Variants in UXS1 observed in about 807,000 individuals in gnomAD.
The protein encoded by UXS1 is UDP-glucuronate decarboxylase 1, also known as UDP-glucuronic acid decarboxylase 1.
A neutral mutation model predicts 62.6 loss-of-function variants in UXS1; 33 were observed. The ratio of observed to expected loss-of-function variants is 0.53; its 90% confidence interval spans 0.40 to 0.70. The LOEUF is 0.70. Ranked by LOEUF, UXS1 falls within the 30% of genes least tolerant of loss-of-function variation. The pLI is 0.00. For missense variants in UXS1, 434 were observed against 556.3 expected, an observed-to-expected ratio of 0.78 and a Z score of 2.21; for synonymous variants, 213 against 206.8, an observed-to-expected ratio of 1.03 and a Z score of -0.26.
At chr2:106,176,901 C>A (rs987502445) in intron 1 of UXS1, among the ~76,000 whole-genome samples, 7 of 152,212 alleles carry the variant, frequency 4.6e-5, no homozygotes, top group African/African-American at 1.7e-4. Flanking sequence ...CAGCTCTCTG[C>A]AACCCCAGCT....
At chr2:106,191,359 T>C (rs571558350) in intron 1 of UXS1, among the ~76,000 whole-genome samples, 1 of 152,300 alleles carries the variant, frequency 6.6e-6, no homozygotes, top group Admixed American at 6.5e-5. Context: ...GAGGGCAAGA[T>C]TACTAATTAG....
intron 1 of UXS1, among the ~76,000 whole-genome samples, chr2:106,187,364 C>T (rs1480034054): frequency 6.6e-6 from 1 of 152,174 alleles, no homozygotes; most frequent in Non-Finnish European, 1.5e-5. Context: ...TAGCTGTCTG[C>T]TGTCCCCCAG....
At chr2:106,113,991 A>G (rs1444449334) in intron 9 of UXS1, among the ~76,000 whole-genome samples, 1 of 152,166 alleles carries the variant, frequency 6.6e-6, no homozygotes. Context: ...ATGGGTTGGG[A>G]ATGGGAATCC....
intron 1 of UXS1, among the ~76,000 whole-genome samples, chr2:106,166,699 CTT>C (rs10659239): frequency 1.7e-4 from 22 of 126,994 alleles, no homozygotes; most frequent in African/African-American, 5.9e-4. Flanking sequence ...GCAGGTGAAG[CTT>C]TTTTTTTTTT....
intron 1 of UXS1, among the ~76,000 whole-genome samples, chr2:106,180,681 T>C (rs1684186280): frequency 6.6e-6 from 1 of 152,092 alleles, no homozygotes; most frequent in South Asian, 2.1e-4. Context: ...ACAAAACATC[T>C]CTTCATCTGA....
intron 1 of UXS1, chr2:106,179,484 T>C (rs1372717): frequency 0.99 from 150,083 of 152,342 alleles, 73,967 homozygotes; most frequent in South Asian, 1. Context: ...AGGTCCCTGT[T>C]TGATTCATTC....
intron 14 of UXS1, 100 bp from the exon 15 acceptor site, chr2:106,094,257 A>ATGAAG: frequency 6.8e-7 from 1 of 1,480,900 alleles, no homozygotes. Flanking sequence ...GCCACCTTGC[A>ATGAAG]GCCAGTCAGG....
At chr2:106,149,931 A>G (rs1681876505) in intron 5 of UXS1, among the ~76,000 whole-genome samples, 2 of 152,180 alleles carry the variant, frequency 1.3e-5, no homozygotes, top group Non-Finnish European at 2.9e-5. Context: ...GATCAGAACA[A>G]TTGTGGAAAT....
intron 4 of UXS1, among the ~76,000 whole-genome samples, chr2:106,162,298 C>T (rs1317432355): frequency 6.6e-6 from 1 of 152,160 alleles, no homozygotes; most frequent in African/African-American, 2.4e-5. Context: ...TTGTGCTTCT[C>T]CATCCAGTTT....
chr2:106,165,917 C>A, intron 2 of UXS1, 139 bp downstream of exon 2: 1 of 711,286 alleles, frequency 1.4e-6, no homozygotes, highest in South Asian at 2.7e-5. Context: ...AGAAACAGCT[C>A]AGATATGTGA....
At chr2:106,147,661 T>G (rs1454257983) in intron 5 of UXS1, among the ~76,000 whole-genome samples, 2 of 152,190 alleles carry the variant, frequency 1.3e-5, no homozygotes. Context: ...CCTGTCTTTT[T>G]GGGCCAAACC....
At chr2:106,120,347 C>G (rs1285443824) in intron 9 of UXS1, among the ~76,000 whole-genome samples, 1 of 152,184 alleles carries the variant, frequency 6.6e-6, no homozygotes, top group African/African-American at 2.4e-5. Context: ...TCGCAGCCAC[C>G]AGAATTGGAC....
Position 106,096,726 on chromosome 2 carries a change from C to A in UXS1, c.1138G>T (p.Glu380Ter). ...TAACTCCCTGCACTTACCACGGGCT[C>A]CCACCCCAGCATCAGCTTTGCTTTT... Reference protein sequence around the residue: ...IKKAKLMLGWEPVVPLEEGLN... With the variant: ...IKKAKLMLGW Residue 380 changes from glutamate to a stop codon, truncating the protein, a stop_gained, in exon 14 of 15, where the codon GAG becomes TAG. Transcript: ENST00000283148. LOFTEE classifies it high-confidence loss of function. 1 of 1,572,696 alleles carries A rather than the reference C, an allele frequency of 6.4e-7. No individual in the cohort carries two copies.
intron 1 of UXS1, among the ~76,000 whole-genome samples, chr2:106,182,591 C>G (rs1684315030): frequency 6.6e-6 from 1 of 152,116 alleles, no homozygotes; most frequent in Non-Finnish European, 1.5e-5. Flanking sequence ...AGAGAGGGAT[C>G]TAGGAGGACC....
chr2:106,166,077 C>G lies in UXS1; in HGVS notation c.101G>C (p.Trp34Ser). The change falls in exon 2 of 15, where the codon TGG (tryptophan) becomes TCG (serine). Residue 34 changes from tryptophan to serine, a missense_variant. By Grantham distance (177) the Trp-to-Ser change is radical. Around this residue, in one of 3 missense-constraint regions of UXS1, gnomAD observed 91 missense variants for 71.1 expected, o/e 1.28. Transcript: ENST00000283148. ...IALLAYVASVWGNFVNMSFLL... is the reference protein window; with the variant it reads ...IALLAYVASVSGNFVNMSFLL... ...TTACCTCATATTAACGAAGTTGCCC[C>G]AAACAGCTGTAAGAGAAAGAAAAAA... 6.2e-7 allele frequency: 1 copy of G among 1,610,934 alleles called. No individual in the cohort carries two copies. The highest frequency in any genetic ancestry group is 1.1e-5 in the South Asian group (1 of 90,240).
At chr2:106,140,015 G>A (rs1275849885) in intron 6 of UXS1, among the ~76,000 whole-genome samples, 1 of 152,120 alleles carries the variant, frequency 6.6e-6, no homozygotes, top group African/African-American at 2.4e-5. Context: ...TTTGTCTCTA[G>A]AACCAGTATT....
At chr2:106,142,947 C>A (rs1235236803) in intron 6 of UXS1, among the ~76,000 whole-genome samples, 1 of 134,912 alleles carries the variant, frequency 7.4e-6, no homozygotes, top group African/African-American at 2.7e-5. Flanking sequence ...GTGTGTGTGT[C>A]CTACACACAG....
chr2:106,097,631 G>A (rs1472081665), intron 13 of UXS1: 4 of 217,302 alleles, frequency 1.8e-5, no homozygotes, highest in Non-Finnish European at 2.9e-5. Flanking sequence ...CCTGTCAACA[G>A]GCAGATCCTG....
chr2:106,166,309 C>G (rs1274837422), intron 1 of UXS1: 2 of 461,466 alleles, frequency 4.3e-6, no homozygotes, highest in Non-Finnish European at 7.7e-6. Context: ...AACTGCAACC[C>G]AGGAACATCA....
Sources: gnomAD v4.1 joint callset for allele counts (sites outside exome capture counted in the v4.1 genomes callset) on GRCh38, gnomAD v4.1.1 for gene constraint, gnomAD v4.1.1 regional missense constraint, MANE v1.5 for transcripts, NCBI Gene and HGNC (gene_info 2026-07-23, HGNC 2026-07-21) for gene names.